HS2ST1: variants seen among roughly 807,000 people sequenced by gnomAD.
HS2ST1 encodes 2-O-sulfotransferase.
HS2ST1 carries 18 observed loss-of-function variants against 42.9 expected under a neutral mutation model. That is an observed-to-expected ratio of 0.42 (90% CI 0.29 to 0.62). The LOEUF (loss-of-function observed/expected upper bound fraction) is 0.62. HS2ST1 is among the 20% of genes least tolerant of loss of function. The pLI is 0.21. For missense variants in HS2ST1, 334 were observed against 433.8 expected (o/e 0.77, Z 2.04); for synonymous variants, 146 against 152.9 (o/e 0.95, Z 0.33).
intron 1 of HS2ST1, among the ~76,000 whole-genome samples, chr1:86,977,706 C>T (rs1239995115): frequency 6.6e-6 from 1 of 152,172 alleles, no homozygotes; most frequent in Non-Finnish European, 1.5e-5. Context: ...TCAAATTTAT[C>T]AGGTCTTCTT....
In HS2ST1 at chr1:86,955,377, G is replaced by A. The variant is rs765857542; in HGVS notation, c.124+40217G>A. On this transcript the variant is annotated intron_variant, in intron 1 of 6. Transcript: ENST00000370550. The stretch of plus-strand genomic sequence containing the variant: ...GAACGTGAACTCTATTGTGAATTGC[G>A]CTTGCGAGGAGGGATCTAGGTGGTG... Among the ~76,000 whole-genome samples, 6 of 152,232 alleles carry A rather than the reference G, an allele frequency of 3.9e-5. No individual in the cohort carries two copies. In the Middle Eastern group the frequency reaches 0.01, roughly 259 times the overall value.
intron 1 of HS2ST1, among the ~76,000 whole-genome samples, chr1:87,065,138 T>C (rs1337470536): frequency 6.6e-6 from 1 of 152,212 alleles, no homozygotes; most frequent in Non-Finnish European, 1.5e-5. Flanking sequence ...TCACAACAGC[T>C]TTCTTTTGGT....
chr1:86,973,933 A>G (rs916174804), intron 1 of HS2ST1, among the ~76,000 whole-genome samples: 4 of 152,322 alleles, frequency 2.6e-5, no homozygotes, highest in African/African-American at 9.6e-5. Flanking sequence ...GTTTAAGTCT[A>G]TAGTTGTGAC....
At chr1:86,943,908 C>T (rs936342089) in intron 1 of HS2ST1, among the ~76,000 whole-genome samples, 8 of 151,968 alleles carry the variant, frequency 5.3e-5, no homozygotes, top group Admixed American at 2.6e-4. Context: ...TGCCTGTAAT[C>T]TCAGCTACTT....
chr1:86,953,080 A>G (rs991199815), intron 1 of HS2ST1, among the ~76,000 whole-genome samples: 1 of 152,202 alleles, frequency 6.6e-6, no homozygotes, highest in African/African-American at 2.4e-5. Flanking sequence ...ATAACTTCCT[A>G]CAGCTTCTGC....
Position 87,101,780 on chromosome 1 carries a change from T to G in HS2ST1, c.687-1652T>G, listed in dbSNP as rs1405327099. On this transcript the variant is annotated intron_variant, in intron 5 of 6. Transcript: ENST00000370550. ...GCCACTTTCCCATTTTCAGGTATCTTTATAGCAACACCCAACTCCTTAGTA... is the reference window on the plus strand; with the variant it reads ...GCCACTTTCCCATTTTCAGGTATCTGTATAGCAACACCCAACTCCTTAGTA... Among the ~76,000 whole-genome samples the G allele has an allele frequency of 3.0e-4, 46 of 152,238 alleles. 2 individuals are homozygous for G. The highest frequency in any genetic ancestry group is 3.0e-3 in the Admixed American group (46 of 15,292).
In HS2ST1 at chr1:86,914,696, A is replaced by C. The variant is rs1202119788; in HGVS notation, c.-341A>C. On this transcript the variant is annotated 5_prime_UTR_variant, in exon 1 of 7. Transcript: ENST00000370550. ...AGCAAAGGAGGGAGGGAAGGAAGGA[A>C]GAGAGGGAGGCGGGCAAGCAGGCGG... 2.5e-5 allele frequency: 7 copies of C among 277,490 alleles called. No individual in the cohort carries two copies. The highest frequency in any genetic ancestry group is 4.7e-5 in the African/African-American group (2 of 42,666). The allele number at this position is 277,490 out of a possible 1,614,324, so 17.2% of individuals were successfully genotyped here.
chr1:87,009,755 C>T lies in HS2ST1; in HGVS notation c.125-63179C>T, dbSNP rs1649541038. Among the ~76,000 whole-genome samples the T allele has an allele frequency of 2.0e-5, 3 of 152,078 alleles. No individual in the cohort carries two copies. In the South Asian group the frequency reaches 6.2e-4, roughly 31 times the overall value. ...TGGCTCTTAAAACTTCTGCTTGAGG[C>T]CAGGTGCGGTGGCTTATGCCTGTAA... On this transcript the variant is annotated intron_variant, in intron 1 of 6. Coordinates refer to ENST00000370550, the MANE Select transcript of HS2ST1 (RefSeq NM_012262.4).
chr1:87,033,637 G>A (rs1650295571), intron 1 of HS2ST1, among the ~76,000 whole-genome samples: 1 of 152,032 alleles, frequency 6.6e-6, no homozygotes, highest in African/African-American at 2.4e-5. Flanking sequence ...TCCGCCTTCC[G>A]GGTTCAAGCA....
At chr1:87,088,952 T>C (rs904179960) in intron 3 of HS2ST1, among the ~76,000 whole-genome samples, 8 of 152,046 alleles carry the variant, frequency 5.3e-5, no homozygotes, top group African/African-American at 1.9e-4. Flanking sequence ...AGAATAACTA[T>C]GTACAATGTC....
intron 1 of HS2ST1, among the ~76,000 whole-genome samples, chr1:87,002,900 A>G (rs1649333785): frequency 1.3e-5 from 2 of 152,222 alleles, no homozygotes; most frequent in Non-Finnish European, 2.9e-5. Context: ...ACTTTTTAGC[A>G]GTGGAACTAT....
At chr1:87,048,098 A>G (rs1650733913) in intron 1 of HS2ST1, among the ~76,000 whole-genome samples, 1 of 152,120 alleles carries the variant, frequency 6.6e-6, no homozygotes. Context: ...AATTTTTCTC[A>G]GCAGAGTTTT....
At chr1:86,969,915 C>T (rs6681928) in intron 1 of HS2ST1, among the ~76,000 whole-genome samples, 115,422 of 151,884 alleles carry the variant, frequency 0.76, 44,619 homozygotes, top group East Asian at 0.97. Context: ...CACCTGAAGT[C>T]AGGAGTTCGA....
chr1:86,991,424 A>T (rs1230606595), intron 1 of HS2ST1, among the ~76,000 whole-genome samples: 2 of 152,188 alleles, frequency 1.3e-5, no homozygotes, highest in East Asian at 3.9e-4. Flanking sequence ...TATTGGTTAC[A>T]GGTTGGTGTT....
At chr1:86,924,187 C>G (rs751549265) in intron 1 of HS2ST1, among the ~76,000 whole-genome samples, 13 of 152,342 alleles carry the variant, frequency 8.5e-5, no homozygotes, top group Non-Finnish European at 1.6e-4. Flanking sequence ...TCCTTTGACT[C>G]CATGTCTCAC....
intron 1 of HS2ST1, among the ~76,000 whole-genome samples, chr1:87,019,175 A>G (rs932162112): frequency 9.2e-5 from 14 of 152,228 alleles, no homozygotes. Context: ...TCTCCCTGGA[A>G]TTAAAATTGC....
At chr1:86,963,893 C>T (rs1236595391) in intron 1 of HS2ST1, among the ~76,000 whole-genome samples, 3 of 147,958 alleles carry the variant, frequency 2.0e-5, no homozygotes, top group Non-Finnish European at 3.0e-5. Context: ...GCTGGCCTGG[C>T]GGGGGCTGCC....
In HS2ST1 at chr1:87,104,586, C is replaced by T. The variant is rs1180875946; in HGVS notation, c.961C>T (p.Leu321=). The part of the protein sequence containing the change: ...KMENEFYEFA[L]EQFQFIRAHA... Reference sequence around the variant, plus strand: ...GGAGAATGAGTTCTATGAATTTGCACTAGAGCAGTTCCAATTCATCAGAGC... The same window carrying T: ...GGAGAATGAGTTCTATGAATTTGCATTAGAGCAGTTCCAATTCATCAGAGC... The change falls in exon 7 of 7, where the codon CTA becomes TTA. Residue 321 remains leucine (L), a synonymous_variant. Coordinates refer to ENST00000370550, the MANE Select transcript of HS2ST1 (RefSeq NM_012262.4). The T allele has an allele frequency of 6.2e-7, 1 of 1,613,020 alleles. No homozygotes were observed. Among genetic ancestry groups the T allele is most frequent in the Non-Finnish European group, 8.5e-7 (1 of 1,179,192 alleles).
chr1:86,992,342 A>G (rs1013782683), intron 1 of HS2ST1, among the ~76,000 whole-genome samples: 6 of 151,822 alleles, frequency 4.0e-5, no homozygotes, highest in African/African-American at 1.5e-4. Flanking sequence ...TGGAGTTTGT[A>G]ACACTTTAAT....
Sources: gnomAD v4.1 joint callset for allele counts (sites outside exome capture counted in the v4.1 genomes callset) on GRCh38, gnomAD v4.1.1 for gene constraint, MANE v1.5 for transcripts, NCBI Gene and HGNC (gene_info 2026-07-23, HGNC 2026-07-21) for gene names.